DUX4: variants seen among roughly 807,000 people sequenced by gnomAD.
DUX4 encodes double homeobox protein 4.
chr4:190,185,900 G>T (rs2126588642), exon 3 of DUX4: 1 of 8,052 alleles, frequency 1.2e-4, no homozygotes, highest in East Asian at 2.8e-3. Flanking sequence ...ATTACAGAGT[G>T]GGTAATAAGC....
At chr4:190,179,283 A>ACCAGTGTAGAGATATG (rs1742485238), downstream of DUX4, among the ~76,000 whole-genome samples, 1 of 150,684 alleles carries the variant, frequency 6.6e-6, no homozygotes, top group African/African-American at 2.4e-5. Flanking sequence ...GACCTGGGTG[A>ACCAGTGTAGAGATATG]TCAGTGCAGA....
chr4:190,179,808 T>TGTTACATC (rs1742514726), downstream of DUX4, among the ~76,000 whole-genome samples: 1 of 13,650 alleles, frequency 7.3e-5, no homozygotes, highest in Non-Finnish European at 2.6e-4. Context: ...CCTACACAAG[T>TGTTACATC]ATTACATCAC....
chr4:190,179,148 CAGTGCAGAG>C (rs1742480143), downstream of DUX4, among the ~76,000 whole-genome samples: 1 of 149,192 alleles, frequency 6.7e-6, no homozygotes, highest in Admixed American at 6.8e-5. Context: ...CCTAGGTGAT[CAGTGCAGAG>C]ATACATTGCA....
chr4:190,176,090 A>G (rs1381044103), downstream of DUX4, among the ~76,000 whole-genome samples: 1,056 of 108,428 alleles, frequency 9.7e-3, 65 homozygotes, highest in African/African-American at 0.027. Context: ...GGGATAAGTC[A>G]TAAAGCCTCC....
Position 190,181,339 on chromosome 4 carries a change from G to GT in DUX4, n.93-4002_93-4001insT, listed in dbSNP as rs1742565749. Among the ~76,000 whole-genome samples the GT allele has an allele frequency of 6.4e-3, 2 of 314 alleles. 1 individual carries two copies. The highest frequency in any genetic ancestry group is 0.011 in the Non-Finnish European group (2 of 176). The allele number at this position is 314 out of a possible 152,430, so 0.2% of individuals were successfully genotyped here. ...GAGTCCCATCCCCTGGGTGATCTCTGCAAAGATATGCCACAATGCCCTCTG... is the reference window on the plus strand; with the variant it reads ...GAGTCCCATCCCCTGGGTGATCTCTGTCAAAGATATGCCACAATGCCCTCTG... On this transcript the variant is annotated intron_variant and non_coding_transcript_variant, in intron 1 of 2. Coordinates refer to the DUX4 transcript ENST00000563716.
At chr4:190,179,777 CA>C (rs1579835955), downstream of DUX4, among the ~76,000 whole-genome samples, 7 of 8,530 alleles carry the variant, frequency 8.2e-4, no homozygotes, top group East Asian at 7.8e-3. Context: ...AGAGATATGT[CA>C]AAATGCCCCT....
At chr4:190,179,470 A>T (rs1742495913), downstream of DUX4, among the ~76,000 whole-genome samples, 78 of 148,548 alleles carry the variant, frequency 5.3e-4, no homozygotes, top group East Asian at 9.8e-4. Context: ...CCTAGAGAAG[A>T]GTTATATCAC....
downstream of DUX4, among the ~76,000 whole-genome samples, chr4:190,179,740 G>C (rs1742509078): frequency 3.9e-5 from 6 of 152,304 alleles, no homozygotes; most frequent in Middle Eastern, 3.4e-3. Context: ...GCCTAGACAA[G>C]AGTTACATCA....
At chr4:190,178,048 TCGGTGATCAGTG>T, downstream of DUX4, among the ~76,000 whole-genome samples, 1 of 151,308 alleles carries the variant, frequency 6.6e-6, no homozygotes, top group Admixed American at 6.6e-5. Flanking sequence ...TTGCATCACC[TCGGTGATCAGTG>T]CAGAGATACG....
downstream of DUX4, among the ~76,000 whole-genome samples, chr4:190,179,209 G>C (rs1742482043): frequency 2.2e-5 from 3 of 136,826 alleles, no homozygotes; most frequent in Non-Finnish European, 3.1e-5. Context: ...TACATCACCT[G>C]GGTGATCATT....
downstream of DUX4, among the ~76,000 whole-genome samples, chr4:190,176,147 C>T (rs1170244503): frequency 7.2e-5 from 8 of 111,732 alleles, 3 homozygotes; most frequent in East Asian, 6.6e-4. Flanking sequence ...CTGATCAGTG[C>T]AGAGATATCT....
downstream of DUX4, among the ~76,000 whole-genome samples, chr4:190,177,787 A>G (rs1742386018): frequency 4.7e-5 from 7 of 148,794 alleles, no homozygotes; most frequent in Admixed American, 2.0e-4. Flanking sequence ...TGATCAGTGC[A>G]GAGTTATGTC....
Position 190,183,726 on chromosome 4 carries a change from A to T in DUX4, n.93-1615A>T, listed in dbSNP as rs2126587324. ...CATTTGTTCTTATTTTAAGGAAAAT[A>T]TGCTAATTTTAAACTCCAAATACTT... On this transcript the variant is annotated intron_variant and non_coding_transcript_variant, in intron 1 of 2. Coordinates refer to the DUX4 transcript ENST00000563716. Among the ~76,000 whole-genome samples, 2 of 114,960 alleles carry T rather than the reference A, an allele frequency of 1.7e-5. 1 individual carries two copies. Among genetic ancestry groups the T allele is most frequent in the South Asian group, 6.0e-4 (2 of 3,314 alleles). The allele number at this position is 114,960 out of a possible 152,430, so 75.4% of individuals were successfully genotyped here.
downstream of DUX4, among the ~76,000 whole-genome samples, chr4:190,176,318 T>G (rs1344461273): frequency 9.4e-6 from 1 of 105,930 alleles, no homozygotes; most frequent in Non-Finnish European, 2.2e-5. Flanking sequence ...TAGGCAGAGC[T>G]TAGACAAGTG....
At chr4:190,181,232 C>CCACCTGGGTGATCAGTGCAGA (rs1742554070) in intron 1 of DUX4, among the ~76,000 whole-genome samples, 1 of 149,882 alleles carries the variant, frequency 6.7e-6, no homozygotes, top group Admixed American at 6.6e-5. Context: ...CCCCCATAGG[C>CCACCTGGGTGATCAGTGCAGA]AAATCCAAGA....
In DUX4 at chr4:190,183,266, G is replaced by A. The variant is rs1433449691; in HGVS notation, n.93-2075G>A. The A allele has an allele frequency of 9.3e-5, 10 of 107,812 alleles. 1 individual carries two copies. Among genetic ancestry groups the A allele is most frequent in the Non-Finnish European group, 1.7e-4 (8 of 46,180 alleles). The allele number at this position is 107,812 out of a possible 1,614,324, so 6.7% of individuals were successfully genotyped here. A position where few individuals can be genotyped will look rare whatever the true frequency, so the allele number is the denominator to read the frequency against. ...TAAGACATGTTTGTCTTCAAAGAAT[G>A]GCCTTGGTTTCTGTGGACAGTTTCT... On this transcript the variant is annotated intron_variant and non_coding_transcript_variant, in intron 1 of 2. Coordinates refer to the DUX4 transcript ENST00000563716.
chr4:190,181,687 T>A (rs1742590157), intron 1 of DUX4, among the ~76,000 whole-genome samples: 2 of 152,218 alleles, frequency 1.3e-5, no homozygotes, highest in Non-Finnish European at 1.5e-5. Flanking sequence ...AGTGCAGAAA[T>A]ATGTCACAAT....
At chr4:190,177,288 T>C, downstream of DUX4, among the ~76,000 whole-genome samples, 1 of 148,440 alleles carries the variant, frequency 6.7e-6, no homozygotes, top group African/African-American at 2.5e-5. Flanking sequence ...AGACAAGAGT[T>C]ACATCACCTG....
chr4:190,182,468 G>T (rs1185751454), intron 1 of DUX4, among the ~76,000 whole-genome samples: 2 of 6,060 alleles, frequency 3.3e-4, no homozygotes, highest in Admixed American at 3.5e-3. Context: ...TTACAGTTGG[G>T]GTTAGGGTTA....
Sources: allele counts gnomAD v4.1 joint callset (sites outside exome capture counted in the v4.1 genomes callset), GRCh38; gene constraint gnomAD v4.1.1; transcripts MANE v1.5; gene names NCBI Gene and HGNC (gene_info 2026-07-23, HGNC 2026-07-21).